The following ZFAT variants were observed in gnomAD, a reference collection of about 807,000 sequenced individuals.
The protein encoded by ZFAT is zinc finger and AT-hook domain containing, also known as zinc finger protein ZFAT.
A neutral mutation model predicts 117.7 loss-of-function variants in ZFAT; 64 were observed. The observed-to-expected ratio is 0.54, with a 90% CI of 0.44 to 0.67. The LOEUF is 0.67. ZFAT is among the 30% of genes least tolerant of loss of function. The pLI, the probability that ZFAT is intolerant of heterozygous loss-of-function variation, is 0.00. For missense variants in ZFAT, 1,433 were observed against 1,584.5 expected (o/e 0.90, Z 1.62); for synonymous variants, 679 against 615.0 (o/e 1.10, Z -1.54).
intron 3 of ZFAT, among the ~76,000 whole-genome samples, chr8:134,636,044 G>A (rs1830191989): frequency 6.6e-6 from 1 of 152,126 alleles, no homozygotes. Flanking sequence ...ACAGTGTCTG[G>A]TATTTTCTAC....
At chr8:134,715,051 G>A (rs1405194186), upstream of ZFAT, among the ~76,000 whole-genome samples, 1 of 152,200 alleles carries the variant, frequency 6.6e-6, no homozygotes, top group Non-Finnish European at 1.5e-5. Flanking sequence ...TTATTTTGCT[G>A]TGAATCGATT....
At chr8:134,786,541 C>G in the ZFAT span, among the ~76,000 whole-genome samples, 1 of 152,146 alleles carries the variant, frequency 6.6e-6, no homozygotes, top group African/African-American at 2.4e-5. Context: ...TCTCTTTAAC[C>G]TATTAACATG....
rs1303925319 is a variant in ZFAT, at chr8:134,601,595, G to A, written c.2124C>T (p.His708=). 3.7e-6 allele frequency: 6 copies of A among 1,614,120 alleles called. No individual in the cohort carries two copies. The East Asian group carries it at 8.9e-5, about 24-fold the overall frequency. The change falls in exon 6 of 16, where the codon CAC becomes CAT. Residue 708 remains histidine, a synonymous_variant. Coordinates refer to ENST00000377838, the MANE Select transcript of ZFAT (RefSeq NM_020863.4). ...QPDSCKAAPE[H]RSGITAFMKV... ...TCATGAAAGCGGTGATGCCTGACCG[G>A]TGCTCAGGGGCAGCTTTGCAAGAGT...
At chr8:134,646,639 T>C (rs907860161) in intron 2 of ZFAT, among the ~76,000 whole-genome samples, 1 of 147,144 alleles carries the variant, frequency 6.8e-6, no homozygotes, top group African/African-American at 2.5e-5. Flanking sequence ...ATAAACACAG[T>C]TGAGAAACCC....
At chr8:134,771,842 C>T in the ZFAT span, among the ~76,000 whole-genome samples, 15 of 152,164 alleles carry the variant, frequency 9.9e-5, no homozygotes, top group South Asian at 2.1e-4. Context: ...TTTACAGTTC[C>T]ACATGGCTGG....
chr8:134,550,837 G>A (rs571004928), intron 11 of ZFAT, among the ~76,000 whole-genome samples: 3 of 152,062 alleles, frequency 2.0e-5, no homozygotes, highest in Admixed American at 6.5e-5. Flanking sequence ...CATGCATCCC[G>A]CTCCCAACCC....
At chr8:134,806,692 C>T in the ZFAT span, among the ~76,000 whole-genome samples, 3 of 152,096 alleles carry the variant, frequency 2.0e-5, no homozygotes, top group Non-Finnish European at 4.4e-5. Context: ...CTCACACAAA[C>T]AATACATAGA....
At chr8:134,506,131 T>C (rs1819388186) in intron 15 of ZFAT, among the ~76,000 whole-genome samples, 1 of 152,218 alleles carries the variant, frequency 6.6e-6, no homozygotes, top group African/African-American at 2.4e-5. Context: ...GCATTTCCTG[T>C]GCGGCTAGCT....
intron 1 of ZFAT, among the ~76,000 whole-genome samples, chr8:134,661,039 C>T (rs1244070248): frequency 6.6e-6 from 1 of 152,218 alleles, no homozygotes; most frequent in Admixed American, 6.5e-5. Flanking sequence ...GAACCTGGAA[C>T]GATTCTCACA....
chr8:134,677,942 G>A (rs1333851546), intron 1 of ZFAT, among the ~76,000 whole-genome samples: 1 of 152,108 alleles, frequency 6.6e-6, no homozygotes, highest in Non-Finnish European at 1.5e-5. Context: ...TTGATGGAAC[G>A]TATCTCAAAA....
intron 11 of ZFAT, among the ~76,000 whole-genome samples, chr8:134,554,556 A>G (rs896248500): frequency 5.9e-5 from 9 of 152,142 alleles, no homozygotes; most frequent in African/African-American, 7.2e-5. Context: ...GCCAGAGATG[A>G]AAGAGGAGAG....
intron 12 of ZFAT, among the ~76,000 whole-genome samples, chr8:134,528,709 C>G (rs1821188673): frequency 6.6e-6 from 1 of 152,240 alleles, no homozygotes; most frequent in South Asian, 2.1e-4. Flanking sequence ...GGACACAGCC[C>G]TCTGGGAGAA....
At chr8:134,575,813 G>C (rs1202326543) in intron 10 of ZFAT, among the ~76,000 whole-genome samples, 1 of 152,254 alleles carries the variant, frequency 6.6e-6, no homozygotes, top group African/African-American at 2.4e-5. Context: ...TTTGCAGCAA[G>C]TGTTTTGCAA....
chr8:134,612,820 T>C (rs913904101), intron 3 of ZFAT, among the ~76,000 whole-genome samples: 6 of 152,196 alleles, frequency 3.9e-5, no homozygotes, highest in Non-Finnish European at 8.8e-5. Flanking sequence ...TGTCCCTCCT[T>C]TGAAGAGCAT....
intron 7 of ZFAT, among the ~76,000 whole-genome samples, chr8:134,593,347 A>T (rs1262578281): frequency 1.4e-5 from 2 of 146,750 alleles, no homozygotes; most frequent in East Asian, 3.9e-4. Flanking sequence ...GGTAAAGGGT[A>T]CTGGGCGGGG....
At chr8:134,608,910 G>T in intron 4 of ZFAT, 31 bp from the exon 5 acceptor site, 1 of 1,588,638 alleles carries the variant, frequency 6.3e-7, no homozygotes, top group South Asian at 1.2e-5. Flanking sequence ...ATTGCTTATT[G>T]AGAGGCATCG....
chr8:134,707,535 TAAGA>T (rs1316363627), intron 1 of ZFAT, among the ~76,000 whole-genome samples: 1 of 152,138 alleles, frequency 6.6e-6, no homozygotes, highest in Non-Finnish European at 1.5e-5. Flanking sequence ...TATCTAACAC[TAAGA>T]AAGAAGCCAG....
intron 3 of ZFAT, among the ~76,000 whole-genome samples, chr8:134,624,127 C>T (rs9886470): frequency 0.041 from 6,215 of 151,988 alleles, 453 homozygotes; most frequent in African/African-American, 0.14. Context: ...CACAGGAGGG[C>T]TCAAAAAGTT....
chr8:134,504,577 G>A (rs181398419), intron 15 of ZFAT, among the ~76,000 whole-genome samples: 3 of 152,244 alleles, frequency 2.0e-5, no homozygotes, highest in Admixed American at 6.5e-5. Context: ...CTCAGTGCAG[G>A]TTCACTATTT....
Sources: allele counts gnomAD v4.1 joint callset (sites outside exome capture counted in the v4.1 genomes callset), GRCh38; gene constraint gnomAD v4.1.1; transcripts MANE v1.5; gene names NCBI Gene and HGNC (gene_info 2026-07-23, HGNC 2026-07-21).